Variants in BEND6 observed in about 807,000 individuals in gnomAD.
The protein encoded by BEND6 is BEN domain containing 6, also known as BEN domain-containing protein 6.
Under a neutral mutation model 31.8 loss-of-function variants are expected in BEND6, and 24 were observed. The ratio of observed to expected loss-of-function variants is 0.75; its 90% CI spans 0.55 to 1.06. The LOEUF is 1.06. Among genes scored for constraint, BEND6 ranks in the 50% least tolerant of loss-of-function variants. The probability of loss-of-function intolerance (pLI) is 0.00; values close to 1 mark genes in which losing one functional copy is unlikely to be tolerated. For synonymous variants in BEND6, 109 were observed against 114.6 expected, an observed-to-expected ratio of 0.95 and a Z score of 0.31; for missense variants, 294 against 327.4, an observed-to-expected ratio of 0.90 and a Z score of 0.79.
At chr6:56,997,250 T>C (rs185231898) in intron 3 of BEND6, among the ~76,000 whole-genome samples, 2 of 152,264 alleles carry the variant, frequency 1.3e-5, no homozygotes, top group Non-Finnish European at 1.5e-5. Flanking sequence ...TGAACCCCCA[T>C]TTCTTTCAGA....
chr6:56,961,874 C>G (rs1825298182), intron 1 of BEND6, among the ~76,000 whole-genome samples: 1 of 152,202 alleles, frequency 6.6e-6, no homozygotes, highest in African/African-American at 2.4e-5. Flanking sequence ...GGGAAGACTG[C>G]CCATCCAGCT....
chr6:56,990,363 C>T (rs1428676049), intron 2 of BEND6, among the ~76,000 whole-genome samples: 3 of 151,314 alleles, frequency 2.0e-5, no homozygotes, highest in East Asian at 3.9e-4. Context: ...CCTCCCATCT[C>T]AGCCCCCCGA....
chr6:56,979,915 T>C (rs1339446712), intron 1 of BEND6, among the ~76,000 whole-genome samples: 2 of 152,254 alleles, frequency 1.3e-5, no homozygotes, highest in East Asian at 3.8e-4. Flanking sequence ...TAGGGATTGC[T>C]TATTGCAAGC....
At chr6:56,988,019 CTT>C (rs34912760) in intron 2 of BEND6, among the ~76,000 whole-genome samples, 157 of 139,000 alleles carry the variant, frequency 1.1e-3, no homozygotes, top group African/African-American at 2.5e-3. Context: ...TTTTTTCTTT[CTT>C]TTTTTTTTTT....
intron 2 of BEND6, among the ~76,000 whole-genome samples, chr6:56,986,276 T>C (rs1393456150): frequency 6.6e-6 from 1 of 151,884 alleles, no homozygotes; most frequent in South Asian, 2.1e-4. Context: ...TGTACATTTA[T>C]AAAATAAAGG....
rs1267384514 is a variant in BEND6, at chr6:56,982,078, T to A, written c.120+148T>A. The stretch of plus-strand genomic sequence containing the variant: ...CAATGGAGAAAATATAATCTTATGT[T>A]CTTTTTCTTTTTAAAAATGTTTTGT... On this transcript the variant is annotated intron_variant, in intron 2 of 6. Coordinates refer to ENST00000370746, the MANE Select transcript of BEND6 (RefSeq NM_152731.3). 11 of 1,063,116 alleles carry A rather than the reference T, an allele frequency of 1.0e-5. No homozygotes were observed. The African/African-American group carries it at 1.3e-4, about 13-fold the overall frequency. 65.9% of individuals were successfully genotyped at this position (1,063,116 alleles called of 1,614,324 possible). A position where few individuals can be genotyped will look rare whatever the true frequency, so the allele number is the denominator to read the frequency against.
chr6:56,979,605 C>A (rs1010826494), intron 1 of BEND6, among the ~76,000 whole-genome samples: 2 of 152,036 alleles, frequency 1.3e-5, no homozygotes, highest in African/African-American at 4.8e-5. Context: ...ACTCTGAACC[C>A]CAATTAAGCA....
intron 3 of BEND6, 30 bp from the exon 4 acceptor site, chr6:57,015,097 GGTATTT>G: frequency 6.4e-7 from 1 of 1,561,700 alleles, no homozygotes; most frequent in South Asian, 1.1e-5. Context: ...TATTATCAAT[GGTATTT>G]GTAAAGTGTA....
chr6:56,966,545 G>A (rs933977148), intron 1 of BEND6, among the ~76,000 whole-genome samples: 3 of 152,190 alleles, frequency 2.0e-5, no homozygotes, highest in Admixed American at 2.0e-4. Flanking sequence ...TTACTTTCTT[G>A]TGCAAATTTT....
intron 3 of BEND6, among the ~76,000 whole-genome samples, chr6:57,013,198 G>T (rs542262036): frequency 6.6e-6 from 1 of 152,238 alleles, no homozygotes; most frequent in African/African-American, 2.4e-5. Context: ...CCAACTACAC[G>T]TTCAGGAGTT....
intron 2 of BEND6, among the ~76,000 whole-genome samples, chr6:56,984,700 C>T (rs1826193443): frequency 6.6e-6 from 1 of 152,280 alleles, no homozygotes; most frequent in Middle Eastern, 3.4e-3. Flanking sequence ...AGCATGAAAA[C>T]TGTTCTCTTC....
In BEND6 at chr6:57,020,067, G is replaced by A. The variant is rs549712192; in HGVS notation, c.*9+1510G>A. On this transcript the variant is annotated intron_variant, in intron 6 of 6. Transcript: ENST00000370746. The stretch of plus-strand genomic sequence containing the variant: ...TGTTGCCAGTGCACTCCAGCCTGGG[G>A]GACAGAGTGAGACCTTGTTTCCAAA... Among the ~76,000 whole-genome samples, 5 of 152,172 alleles carry A rather than the reference G, an allele frequency of 3.3e-5. No individual in the cohort carries two copies. The South Asian group carries it at 1.0e-3, about 32-fold the overall frequency.
intron 1 of BEND6, among the ~76,000 whole-genome samples, chr6:56,958,816 CTGAGGACTGG>C (rs1825186206): frequency 6.6e-6 from 1 of 152,106 alleles, no homozygotes; most frequent in Non-Finnish European, 1.5e-5. Context: ...AGGGCAAGGA[CTGAGGACTGG>C]TGACTAGGAG....
chr6:56,985,844 A>G (rs1255264717), intron 2 of BEND6, among the ~76,000 whole-genome samples: 1 of 152,160 alleles, frequency 6.6e-6, no homozygotes, highest in Non-Finnish European at 1.5e-5. Flanking sequence ...TTGCACTAAT[A>G]CCTTATCTAT....
chr6:57,026,757 C>G lies in BEND6; in HGVS notation c.*685C>G, dbSNP rs1562563779. The G allele has an allele frequency of 6.6e-6, 1 of 151,970 alleles. No individual in the cohort carries two copies. The highest frequency in any genetic ancestry group is 2.4e-5 in the African/African-American group (1 of 41,384). The allele number at this position is 151,970 out of a possible 1,614,324, so 9.4% of individuals were successfully genotyped here. On this transcript the variant is annotated 3_prime_UTR_variant, in exon 7 of 7. Coordinates refer to ENST00000370746, the MANE Select transcript of BEND6 (RefSeq NM_152731.3). ...TCCACCACACTTCTGAAGAATAAAC[C>G]TAAGTTTTTGTGATTGTTAAAACAA... is the stretch of plus-strand genomic sequence containing the variant.
At chr6:56,962,108 C>T (rs1029244074) in intron 1 of BEND6, among the ~76,000 whole-genome samples, 1 of 152,066 alleles carries the variant, frequency 6.6e-6, no homozygotes, top group Non-Finnish European at 1.5e-5. Context: ...GCTAGTTCAG[C>T]CTCCTCTCTC....
chr6:56,972,086 CTTTTTTTTTTTTTTT>C (rs35524907), intron 1 of BEND6, among the ~76,000 whole-genome samples: 1 of 62,530 alleles, frequency 1.6e-5, no homozygotes, highest in Admixed American at 2.6e-4. Context: ...ACTTTACTTT[CTTTTTTTTTTTTTTT>C]TTTTTTTTTT....
chr6:56,963,771 A>G lies in BEND6; in HGVS notation c.-101+8311A>G, dbSNP rs1050775188. ...GGGGTAATCTGGTTCAGTTTGCTTC[A>G]ATTAATAATAAAATATTACTATTAA... On this transcript the variant is annotated intron_variant, in intron 1 of 6. Coordinates refer to ENST00000370746, the MANE Select transcript of BEND6 (RefSeq NM_152731.3). Among the ~76,000 whole-genome samples the G allele has an allele frequency of 4.0e-5, 6 of 149,894 alleles. No individual in the cohort carries two copies. The South Asian group carries it at 1.3e-3, about 31-fold the overall frequency.
intron 1 of BEND6, among the ~76,000 whole-genome samples, chr6:56,955,873 C>G (rs960876333): frequency 6.6e-6 from 1 of 152,208 alleles, no homozygotes; most frequent in Non-Finnish European, 1.5e-5. Flanking sequence ...TCTGTCTCCC[C>G]TTTGTCCCCT....
Sources: gnomAD v4.1 joint callset for allele counts (sites outside exome capture counted in the v4.1 genomes callset) on GRCh38, gnomAD v4.1.1 for gene constraint, MANE v1.5 for transcripts, NCBI Gene and HGNC (gene_info 2026-07-23, HGNC 2026-07-21) for gene names.